The following BANK1 variants were observed in gnomAD, a reference collection of about 807,000 sequenced individuals.
The protein encoded by BANK1 is B-cell scaffold protein with ankyrin repeats.
In BANK1, 95 loss-of-function variants were observed where a neutral mutation model predicts 94.5. That is an observed-to-expected ratio of 1.00 (90% confidence interval 0.85 to 1.19). The LOEUF (loss-of-function observed/expected upper bound fraction) is 1.19. BANK1 is among the 50% of genes most tolerant of loss of function. BANK1 has a pLI of 0.00. For missense variants in BANK1, 987 were observed against 932.2 expected (o/e 1.06, Z -0.77); for synonymous variants, 334 against 308.4 (o/e 1.08, Z -0.87).
rs1312892672 is a variant in BANK1, at chr4:101,790,969, G to A, written c.70+19G>A. 5 of 1,486,872 alleles carry A rather than the reference G, an allele frequency of 3.4e-6. No homozygotes were observed. Among genetic ancestry groups the A allele is most frequent in the Non-Finnish European group, 4.4e-6 (5 of 1,124,364 alleles). 92.1% of individuals were successfully genotyped at this position (1,486,872 alleles called of 1,614,324 possible). A position where few individuals can be genotyped will look rare whatever the true frequency, so the allele number is the denominator to read the frequency against. On this transcript the variant is annotated intron_variant, in intron 1 of 16. Coordinates refer to ENST00000322953, the MANE Select transcript of BANK1 (RefSeq NM_017935.5). ...CCCCCAGGTGGGTAGTCGCGCATTC[G>A]GAGGGGCTTGACGCCGAGGCCGGGC... is the stretch of plus-strand genomic sequence containing the variant.
chr4:101,970,881 A>G (rs1229598970), intron 7 of BANK1, among the ~76,000 whole-genome samples: 2 of 152,104 alleles, frequency 1.3e-5, no homozygotes, highest in African/African-American at 4.8e-5. Context: ...TTCAGCTATG[A>G]TCATTTAAAA....
At chr4:101,941,742 T>TACAC (rs10625591) in intron 7 of BANK1, among the ~76,000 whole-genome samples, 173 of 149,666 alleles carry the variant, frequency 1.2e-3, no homozygotes, top group East Asian at 5.2e-3. Context: ...GATGTGTGTG[T>TACAC]ACACACACAC....
chr4:101,864,501 C>T (rs1727996198), intron 4 of BANK1, among the ~76,000 whole-genome samples: 1 of 152,142 alleles, frequency 6.6e-6, no homozygotes, highest in Admixed American at 6.6e-5. Context: ...CAAGAAAAAG[C>T]TGAACCACTA....
At chr4:101,922,906 A>T (rs1289931082) in intron 7 of BANK1, among the ~76,000 whole-genome samples, 2 of 151,850 alleles carry the variant, frequency 1.3e-5, no homozygotes, top group African/African-American at 2.4e-5. Context: ...CCAAGTCCTC[A>T]GACCCAGTTT....
intron 11 of BANK1, among the ~76,000 whole-genome samples, chr4:102,058,967 C>G (rs1244114999): frequency 6.6e-6 from 1 of 152,178 alleles, no homozygotes; most frequent in Non-Finnish European, 1.5e-5. Context: ...TACAGTCCTT[C>G]TCAAAACTGA....
chr4:101,858,750 G>A (rs564772991), intron 3 of BANK1, among the ~76,000 whole-genome samples: 39 of 152,198 alleles, frequency 2.6e-4, no homozygotes, highest in African/African-American at 7.2e-4. Flanking sequence ...ACAAAAGACC[G>A]TTAAAGTGGC....
At chr4:101,816,730 A>G (rs1725932074) in intron 1 of BANK1, among the ~76,000 whole-genome samples, 2 of 152,076 alleles carry the variant, frequency 1.3e-5, no homozygotes, top group African/African-American at 4.8e-5. Context: ...TGTATATATC[A>G]TACTTTTTTC....
chr4:101,936,818 T>C (rs1189196942), intron 7 of BANK1, among the ~76,000 whole-genome samples: 1 of 151,428 alleles, frequency 6.6e-6, no homozygotes, highest in African/African-American at 2.4e-5. Context: ...CAAATACTGG[T>C]AAGAATGTAG....
chr4:101,935,111 A>T (rs1401432151), intron 7 of BANK1, among the ~76,000 whole-genome samples: 1 of 151,194 alleles, frequency 6.6e-6, no homozygotes, highest in Non-Finnish European at 1.5e-5. Flanking sequence ...CCTCACCCCA[A>T]CCCATCCCCA....
chr4:101,803,614 T>C (rs1206924388), intron 1 of BANK1, among the ~76,000 whole-genome samples: 1 of 152,198 alleles, frequency 6.6e-6, no homozygotes, highest in Non-Finnish European at 1.5e-5. Context: ...GGTCTACTTA[T>C]ATGTGGATTT....
intron 7 of BANK1, among the ~76,000 whole-genome samples, chr4:101,957,814 GTGTTTTTGT>G (rs1724398090): frequency 7.1e-6 from 1 of 139,938 alleles, no homozygotes; most frequent in Non-Finnish European, 1.6e-5. Flanking sequence ...TGTTGTTGTT[GTGTTTTTGT>G]TTTTTGTTTT....
At chr4:101,853,652 G>A (rs765954534) in intron 2 of BANK1, among the ~76,000 whole-genome samples, 1 of 152,110 alleles carries the variant, frequency 6.6e-6, no homozygotes, top group East Asian at 1.9e-4. Context: ...AGAAGCAGGC[G>A]TAATTTTATG....
At chr4:101,876,818 G>T (rs1163278249) in intron 5 of BANK1, among the ~76,000 whole-genome samples, 2 of 152,130 alleles carry the variant, frequency 1.3e-5, no homozygotes, top group African/African-American at 4.8e-5. Flanking sequence ...AGGGAGTTAA[G>T]AATTCTGTCA....
At chr4:101,956,234 C>G (rs76441637) in intron 7 of BANK1, among the ~76,000 whole-genome samples, 6 of 152,126 alleles carry the variant, frequency 3.9e-5, no homozygotes, top group Non-Finnish European at 5.9e-5. Flanking sequence ...AGGCAGCCAC[C>G]TGTTGGACTC....
chr4:101,794,433 A>G (rs1725088077), intron 1 of BANK1, among the ~76,000 whole-genome samples: 1 of 152,136 alleles, frequency 6.6e-6, no homozygotes, highest in Non-Finnish European at 1.5e-5. Context: ...TTAATCACCT[A>G]AGTTACACTT....
At chr4:101,986,017 C>G (rs1293406569) in intron 7 of BANK1, among the ~76,000 whole-genome samples, 1 of 152,052 alleles carries the variant, frequency 6.6e-6, no homozygotes, top group Non-Finnish European at 1.5e-5. Flanking sequence ...TTAATGTCTA[C>G]CAATCATTGT....
At chr4:101,854,854 CTAGT>C (rs1409507155) in intron 2 of BANK1, among the ~76,000 whole-genome samples, 177 bp from the exon 3 acceptor site, 1 of 152,048 alleles carries the variant, frequency 6.6e-6, no homozygotes, top group African/African-American at 2.4e-5. Flanking sequence ...GATTATAAAA[CTAGT>C]TAAATTGTGA....
chr4:101,866,101 A>T (rs1728059344), intron 4 of BANK1, among the ~76,000 whole-genome samples: 1 of 152,192 alleles, frequency 6.6e-6, no homozygotes, highest in Admixed American at 6.5e-5. Context: ...TAGATATGAC[A>T]TACATGGAAA....
At chr4:101,889,657 ATTG>A (rs2148888906) in intron 5 of BANK1, among the ~76,000 whole-genome samples, 1 of 138,932 alleles carries the variant, frequency 7.2e-6, no homozygotes, top group South Asian at 2.3e-4. Flanking sequence ...GTTTTTCTTT[ATTG>A]TTTTCATACT....
Sources: allele counts gnomAD v4.1 joint callset (sites outside exome capture counted in the v4.1 genomes callset), GRCh38; gene constraint gnomAD v4.1.1; transcripts MANE v1.5; gene names NCBI Gene and HGNC (gene_info 2026-07-23, HGNC 2026-07-21).